The following SMOC2 variants were observed in gnomAD, a reference collection of about 807,000 sequenced individuals.
SMOC2 encodes the protein SPARC-related modular calcium-binding protein 2.
A neutral mutation model predicts 61.4 loss-of-function variants in SMOC2; 39 were observed. The observed-to-expected ratio is 0.64, with a 90% CI of 0.49 to 0.83. The LOEUF is 0.83. SMOC2 is among the 40% of genes least tolerant of loss of function. The probability of loss-of-function intolerance (pLI) is 0.00; values close to 1 mark genes in which losing one functional copy is unlikely to be tolerated. For missense variants in SMOC2, 556 were observed against 592.9 expected (o/e 0.94, Z 0.65); for synonymous variants, 247 against 239.9 (o/e 1.03, Z -0.27).
chr6:168,531,052 G>A lies in SMOC2; in HGVS notation c.463+3325G>A, dbSNP rs367656221. Among the ~76,000 whole-genome samples the A allele has an allele frequency of 2.4e-4, 37 of 152,242 alleles. No homozygotes were observed. The Middle Eastern group carries it at 0.017, about 70-fold the overall frequency. ...TCCTGAGTCCACGGAGCCCCACACG[G>A]AGGCACCCCAACCACAAATCCTCCC... On this transcript the variant is annotated intron_variant, in intron 4 of 12. Coordinates refer to ENST00000356284, the MANE Select transcript of SMOC2 (RefSeq NM_001166412.2).
chr6:168,547,535 A>G (rs1427036815), intron 6 of SMOC2, among the ~76,000 whole-genome samples: 4 of 152,046 alleles, frequency 2.6e-5, no homozygotes, highest in African/African-American at 9.7e-5. Context: ...TGAAATGACA[A>G]TGGATGGCAT....
chr6:168,449,724 C>T (rs1476869056), intron 1 of SMOC2, among the ~76,000 whole-genome samples: 4 of 152,148 alleles, frequency 2.6e-5, no homozygotes, highest in Admixed American at 2.6e-4. Flanking sequence ...CTGTCCAGCT[C>T]CCTGTGTGTG....
At chr6:168,441,711 G>C (rs1781214127) in intron 1 of SMOC2, among the ~76,000 whole-genome samples, 1 of 152,170 alleles carries the variant, frequency 6.6e-6, no homozygotes, top group South Asian at 2.1e-4. Context: ...GGCTCCTCGG[G>C]TTCCACCCGG....
intron 1 of SMOC2, among the ~76,000 whole-genome samples, chr6:168,493,366 T>C (rs1351859259): frequency 1.3e-5 from 2 of 152,206 alleles, no homozygotes; most frequent in African/African-American, 2.4e-5. Context: ...AGAACTGACT[T>C]GAACATTTAT....
At chr6:168,626,139 A>G (rs1196752000) in intron 9 of SMOC2, among the ~76,000 whole-genome samples, 1 of 152,196 alleles carries the variant, frequency 6.6e-6, no homozygotes, top group Admixed American at 6.5e-5. Flanking sequence ...AGTTCCTTAC[A>G]CTGCTTAGGA....
At chr6:168,646,921 T>G (rs148376474) in intron 9 of SMOC2, among the ~76,000 whole-genome samples, 1 of 152,212 alleles carries the variant, frequency 6.6e-6, no homozygotes, top group East Asian at 1.9e-4. Flanking sequence ...TGCCACAGAT[T>G]GGATATAAAT....
chr6:168,627,910 A>T (rs1786456532), intron 9 of SMOC2, among the ~76,000 whole-genome samples: 1 of 152,208 alleles, frequency 6.6e-6, no homozygotes, highest in Non-Finnish European at 1.5e-5. Context: ...CCTCACACAC[A>T]CCAGTGGGGA....
intron 2 of SMOC2, among the ~76,000 whole-genome samples, chr6:168,515,187 A>G (rs751345562): frequency 6.6e-6 from 1 of 152,232 alleles, no homozygotes; most frequent in Non-Finnish European, 1.5e-5. Context: ...ACAAACAAAT[A>G]TAAGGGAGAA....
rs941716331 is a variant in SMOC2, at chr6:168,544,070, A to C, written c.511+398A>C. Among the ~76,000 whole-genome samples, 1 of 152,184 alleles carries C rather than the reference A, an allele frequency of 6.6e-6. No homozygotes were observed. Among genetic ancestry groups the C allele is most frequent in the Non-Finnish European group, 1.5e-5 (1 of 68,028 alleles). ...CCTCCCTACAAGGAGGAAGAGGAAC[A>C]GTTTTTCTACCTACAGCAATCCCTG... is the stretch of plus-strand genomic sequence containing the variant. On this transcript the variant is annotated intron_variant, in intron 5 of 12. Transcript: ENST00000356284. The surrounding 1 kb of genome is among the most constrained non-coding windows in gnomAD (Gnocchi z 4.1).
At position 168,489,930 on chromosome 6, in the gene SMOC2, G is replaced by A. The variant is rs182918293; in HGVS notation, c.85-19985G>A. 1.7e-3 allele frequency among the ~76,000 whole-genome samples: 249 copies of A among 149,586 alleles called. 3 individuals are homozygous for A. The highest frequency in any genetic ancestry group is 2.8e-3 in the African/African-American group (114 of 40,486). The stretch of plus-strand genomic sequence containing the variant: ...TCCCCTTGCATCACACTGTTTTAGA[G>A]TGAAATATATCGAATCATCTGGGTC... On this transcript the variant is annotated intron_variant, in intron 1 of 12. Coordinates refer to ENST00000356284, the MANE Select transcript of SMOC2 (RefSeq NM_001166412.2).
chr6:168,500,261 C>T (rs556136597), intron 1 of SMOC2, among the ~76,000 whole-genome samples: 38 of 141,100 alleles, frequency 2.7e-4, no homozygotes, highest in African/African-American at 7.7e-4. Flanking sequence ...CACTCCAGCC[C>T]GGATGACAGA....
intron 9 of SMOC2, among the ~76,000 whole-genome samples, chr6:168,634,875 A>G (rs915519989): frequency 2.0e-5 from 3 of 152,234 alleles, no homozygotes; most frequent in Admixed American, 1.3e-4. Context: ...CTTTCTAAGC[A>G]TTATTTCAAC....
chr6:168,580,377 C>G (rs1026082118), intron 7 of SMOC2, among the ~76,000 whole-genome samples: 2 of 152,166 alleles, frequency 1.3e-5, no homozygotes, highest in Admixed American at 6.5e-5. Context: ...GGTCCTCAGA[C>G]GCCGAGGCTG....
At chr6:168,447,248 T>A (rs1781351528) in intron 1 of SMOC2, among the ~76,000 whole-genome samples, 1 of 152,152 alleles carries the variant, frequency 6.6e-6, no homozygotes, top group Admixed American at 6.5e-5. Context: ...TTGTATTTTT[T>A]TTTTTAGAAA....
intron 7 of SMOC2, among the ~76,000 whole-genome samples, chr6:168,550,804 C>G (rs1011907067): frequency 2.6e-5 from 4 of 152,146 alleles, no homozygotes; most frequent in Admixed American, 6.5e-5. Flanking sequence ...AGATATTAAT[C>G]TCTTTACATG....
rs71706866 is a variant in SMOC2 at position 168,599,308 on chromosome 6, CA to C, written c.824+305del. On this transcript the variant is annotated intron_variant, in intron 8 of 12. Coordinates refer to ENST00000356284, the MANE Select transcript of SMOC2 (RefSeq NM_001166412.2). ...CCCACACACACACATACCACACACA[CA>C]CCCCCACACTGTTTCACACACACTC... Among the ~76,000 whole-genome samples, 1,032 of 137,966 alleles carry C rather than the reference CA, an allele frequency of 7.5e-3. 23 individuals carry two copies. Among genetic ancestry groups the C allele is most frequent in the African/African-American group, 0.016 (576 of 36,266 alleles). The allele number at this position is 137,966 out of a possible 152,430, so 90.5% of individuals were successfully genotyped here. A position where few individuals can be genotyped will look rare whatever the true frequency, so the allele number is the denominator to read the frequency against.
chr6:168,624,464 G>C (rs1031176088), intron 9 of SMOC2, among the ~76,000 whole-genome samples: 6 of 152,314 alleles, frequency 3.9e-5, no homozygotes, highest in Admixed American at 6.5e-5. Flanking sequence ...GAAGAGAATT[G>C]TTATGAAGTT....
At chr6:168,517,701 T>A (rs1009139836) in intron 2 of SMOC2, among the ~76,000 whole-genome samples, 2 of 152,228 alleles carry the variant, frequency 1.3e-5, no homozygotes, top group African/African-American at 2.4e-5. Context: ...GGCTCGCAGC[T>A]TCTTCTCAGC....
Position 168,599,198 on chromosome 6 carries a change from A to C in SMOC2, c.824+194A>C, listed in dbSNP as rs1280858569. Among the ~76,000 whole-genome samples the C allele has an allele frequency of 9.6e-4, 123 of 127,942 alleles. 1 individual carries two copies. Among genetic ancestry groups the C allele is most frequent in the Non-Finnish European group, 1.5e-3 (93 of 61,194 alleles). 83.9% of individuals were successfully genotyped at this position (127,942 alleles called of 152,430 possible). On this transcript the variant is annotated intron_variant, in intron 8 of 12. Coordinates refer to ENST00000356284, the MANE Select transcript of SMOC2 (RefSeq NM_001166412.2). The stretch of plus-strand genomic sequence containing the variant: ...ACACACACCCACACACACTCATACC[A>C]CACACACACTCATACCCACACACAC...
Sources: allele counts gnomAD v4.1 joint callset (sites outside exome capture counted in the v4.1 genomes callset), GRCh38; gene constraint gnomAD v4.1.1; non-coding constraint Gnocchi (gnomAD v3.1); transcripts MANE v1.5; gene names NCBI Gene and HGNC (gene_info 2026-07-23, HGNC 2026-07-21).